Variants in TLN1 observed in about 807,000 individuals in gnomAD.
The protein encoded by TLN1 is talin-1.
A neutral mutation model predicts 292.3 loss-of-function variants in TLN1; 56 were observed. The observed-to-expected ratio is 0.19, with a 90% CI of 0.15 to 0.24. TLN1 has a LOEUF of 0.24. Ranked by LOEUF, TLN1 falls within the 10% of genes least tolerant of loss-of-function variation. TLN1 has a pLI of 1.00. For synonymous variants in TLN1, 1,119 were observed against 1,253.7 expected, an observed-to-expected ratio of 0.89 and a Z score of 2.27; for missense variants, 2,433 against 3,248.2, an observed-to-expected ratio of 0.75 and a Z score of 6.10.
intron 1 of TLN1, among the ~76,000 whole-genome samples, chr9:35,729,429 G>A (rs1587993056): frequency 6.6e-6 from 1 of 152,214 alleles, no homozygotes; most frequent in East Asian, 1.9e-4. Context: ...GGGAAGTCAG[G>A]GTTAGGATGG....
Position 35,698,814 on chromosome 9 carries a change from T to C in TLN1, c.7119A>G (p.Gln2373=), listed in dbSNP as rs1258054442. ...ASAAQRELVA[Q]GKVGAIPANA... is the part of the protein sequence containing the mutation. The stretch of plus-strand genomic sequence containing the variant: ...TGGGTATTTAAGCACTCACCTTCCC[T>C]TGGGCCACTAGTTCTCTCTGGGCAG... Residue 2373 remains glutamine (Q), a synonymous_variant, in exon 53 of 57, where the codon CAA becomes CAG. Coordinates refer to ENST00000314888, the MANE Select transcript of TLN1 (RefSeq NM_006289.4). This position sits in a 1 kb window ranked among gnomAD's most constrained non-coding sequence, Gnocchi z 5.3. 1.9e-6 allele frequency: 3 copies of C among 1,613,938 alleles called. No homozygotes were observed. Among genetic ancestry groups the C allele is most frequent in the Non-Finnish European group, 2.5e-6 (3 of 1,179,938 alleles).
rs1444226308 is a variant in TLN1 at position 35,719,948 on chromosome 9, G to C, written c.1464+91C>G. On this transcript the variant is annotated intron_variant, in intron 13 of 56. Transcript: ENST00000314888. This position sits in a 1 kb window ranked among gnomAD's most constrained non-coding sequence, Gnocchi z 4.6. ...AGGGTCTAGGGAGAGAATACAAATA[G>C]GGACCTGGGAAAAGACTGCCTAACT... 6.3e-6 allele frequency: 10 copies of C among 1,586,748 alleles called. No individual in the cohort carries two copies. Among genetic ancestry groups the C allele is most frequent in the Admixed American group, 1.7e-5 (1 of 57,238 alleles).
chr9:35,706,538 T>C lies in TLN1; in HGVS notation c.5102A>G (p.Gln1701Arg). The change falls in exon 39 of 57, where the codon CAG (glutamine) becomes CGG (arginine). Residue 1701 changes from glutamine (Q) to arginine (R), a missense_variant. Transcript: ENST00000314888. This position sits in a 1 kb window ranked among gnomAD's most constrained non-coding sequence, Gnocchi z 4.2. Reference sequence around the variant, plus strand: ...GATCTCTTGGACTGCAGTGAGCATCTGAGTGTGCAAGGCCTGGGGAGGAAG... The same window carrying C: ...GATCTCTTGGACTGCAGTGAGCATCCGAGTGTGCAAGGCCTGGGGAGGAAG... ...EGISQEALHT[Q>R]MLTAVQEISH... 6.2e-7 allele frequency: 1 copy of C among 1,614,050 alleles called. No homozygotes were observed. Among genetic ancestry groups the C allele is most frequent in the Non-Finnish European group, 8.5e-7 (1 of 1,180,000 alleles).
At position 35,719,644 on chromosome 9, in the gene TLN1, A is replaced by T. The variant is rs1342988317; in HGVS notation, c.1579-17T>A. Reference sequence around the variant, plus strand: ...CTTAGAGGCCTGAAAGAGAGAGGAAAAGCCTTCAGGATCTGCCCTGGTTTG... The same window carrying T: ...CTTAGAGGCCTGAAAGAGAGAGGAATAGCCTTCAGGATCTGCCCTGGTTTG... On this transcript the variant is annotated splice_polypyrimidine_tract_variant and intron_variant, in intron 14 of 56. Transcript: ENST00000314888. The surrounding 1 kb of genome is among the most constrained non-coding windows in gnomAD (Gnocchi z 4.6). 6.2e-7 allele frequency: 1 copy of T among 1,613,408 alleles called. No homozygotes were observed. The highest frequency in any genetic ancestry group is 1.3e-5 in the African/African-American group (1 of 74,900).
At chr9:35,709,448 T>C (rs1263373268) in intron 33 of TLN1, among the ~76,000 whole-genome samples, 1 of 152,222 alleles carries the variant, frequency 6.6e-6, no homozygotes, top group Non-Finnish European at 1.5e-5. Context: ...AGTGAACTCT[T>C]ATGATGCCAG....
Position 35,699,256 on chromosome 9 carries a change from G to A in TLN1, c.6874+100C>T. 1 of 1,555,424 alleles carries A rather than the reference G, an allele frequency of 6.4e-7. No homozygotes were observed. Among genetic ancestry groups the A allele is most frequent in the East Asian group, 2.3e-5 (1 of 44,288 alleles). On this transcript the variant is annotated intron_variant, in intron 51 of 56. Coordinates refer to ENST00000314888, the MANE Select transcript of TLN1 (RefSeq NM_006289.4). This position sits in a 1 kb window ranked among gnomAD's most constrained non-coding sequence, Gnocchi z 4.0. ...ATCATCAGGCCCTGGCATCTGTGGG[G>A]ACTATGGTCAGAGGCTAGCACAGAG...
rs1825796848 is a variant in TLN1 at position 35,717,013 on chromosome 9, G to T, written c.2458+133C>A. Reference sequence around the variant, plus strand: ...AGAGAGCTTTAATGATGAGCCTATGGTTGTGTGGCTGGCAAGCCCACACTG... The same window carrying T: ...AGAGAGCTTTAATGATGAGCCTATGTTTGTGTGGCTGGCAAGCCCACACTG... On this transcript the variant is annotated intron_variant, in intron 19 of 56. Transcript: ENST00000314888. This position sits in a 1 kb window ranked among gnomAD's most constrained non-coding sequence, Gnocchi z 4.7. 1 of 982,110 alleles carries T rather than the reference G, an allele frequency of 1.0e-6. No individual in the cohort carries two copies. The highest frequency in any genetic ancestry group is 1.5e-6 in the Non-Finnish European group (1 of 674,008). 60.8% of individuals were successfully genotyped at this position (982,110 alleles called of 1,614,324 possible).
In TLN1 at chr9:35,711,301, C is replaced by T; in HGVS notation, c.3973G>A (p.Asp1325Asn). 1 of 1,614,176 alleles carries T rather than the reference C, an allele frequency of 6.2e-7. No individual in the cohort carries two copies. Among genetic ancestry groups the T allele is most frequent in the East Asian group, 2.2e-5 (1 of 44,886 alleles). Residue 1325 changes from aspartate to asparagine, a missense_variant, in exon 30 of 57, where the codon GAC becomes AAC. Physicochemically the swap from Asp to Asn is conservative, Grantham distance 23 (BLOSUM62 1). Coordinates refer to ENST00000314888, the MANE Select transcript of TLN1 (RefSeq NM_006289.4). ...LLLAAKALST[D>N]PAAPNLKSQL... is the part of the protein sequence containing the mutation. The stretch of plus-strand genomic sequence containing the variant: ...CTCTTGAGGTTAGGGGCAGCAGGGT[C>T]CGTGGACAGGGCCTTGGCAGCCAGA...
In TLN1 at chr9:35,699,267, G is replaced by C; in HGVS notation, c.6874+89C>G. The stretch of plus-strand genomic sequence containing the variant: ...CTGGCATCTGTGGGGACTATGGTCA[G>C]AGGCTAGCACAGAGCTGTCCAGCCA... On this transcript the variant is annotated intron_variant, in intron 51 of 56. Transcript: ENST00000314888. The surrounding 1 kb of genome is among the most constrained non-coding windows in gnomAD (Gnocchi z 4.0). The C allele has an allele frequency of 6.4e-7, 1 of 1,555,474 alleles. No homozygotes were observed. Among genetic ancestry groups the C allele is most frequent in the Non-Finnish European group, 8.7e-7 (1 of 1,148,494 alleles).
chr9:35,706,034 G>C lies in TLN1; in HGVS notation c.5439C>G (p.Thr1813=). 6.2e-7 allele frequency: 1 copy of C among 1,614,200 alleles called. No individual in the cohort carries two copies. Among genetic ancestry groups the C allele is most frequent in the Non-Finnish European group, 8.5e-7 (1 of 1,180,036 alleles). ...MTEAVEDLTT[T]LNEAASAAGV... is the part of the protein sequence containing the mutation. The stretch of plus-strand genomic sequence containing the variant: ...CAGCAGCACTGGCTGCCTCGTTGAG[G>C]GTTGTTGTCAGGTCCTCTACGGCCT... The change falls in exon 41 of 57, where the codon ACC becomes ACG. Residue 1813 remains threonine (T), a synonymous_variant. Transcript: ENST00000314888. This position sits in a 1 kb window ranked among gnomAD's most constrained non-coding sequence, Gnocchi z 4.2.
chr9:35,728,480 T>C (rs1216640072), intron 1 of TLN1, among the ~76,000 whole-genome samples: 1 of 152,108 alleles, frequency 6.6e-6, no homozygotes, highest in Non-Finnish European at 1.5e-5. Flanking sequence ...GCTGAAGGGC[T>C]GCACAGAACT....
At chr9:35,711,890 G>C (rs1434677917) in intron 28 of TLN1, 98 bp from the exon 29 acceptor site, 1 of 1,594,292 alleles carries the variant, frequency 6.3e-7, no homozygotes, top group Non-Finnish European at 8.5e-7. Flanking sequence ...TAGCCTGGGA[G>C]TAATGAAAGG....
rs766320019 is a variant in TLN1, at chr9:35,707,029, A to C, written c.4955+43T>G. 1.6e-5 allele frequency: 26 copies of C among 1,608,126 alleles called. No homozygotes were observed. Among genetic ancestry groups the C allele is most frequent in the Non-Finnish European group, 2.0e-5 (24 of 1,178,448 alleles). On this transcript the variant is annotated intron_variant, in intron 37 of 56. Transcript: ENST00000314888. This position sits in a 1 kb window ranked among gnomAD's most constrained non-coding sequence, Gnocchi z 5.6. The stretch of plus-strand genomic sequence containing the variant: ...AAGTGCCCATCCTCCATTCTGCCAC[A>C]ATGTATGCCCCCCAGCCACACTGGT...
intron 33 of TLN1, among the ~76,000 whole-genome samples, chr9:35,709,277 G>A (rs191210794): frequency 6.6e-6 from 1 of 152,182 alleles, no homozygotes. Context: ...CCTGGCGACA[G>A]AGCGAGACTC....
chr9:35,710,222 C>CAAAA (rs68036045), intron 33 of TLN1, among the ~76,000 whole-genome samples: 51 of 66,296 alleles, frequency 7.7e-4, no homozygotes, highest in Middle Eastern at 7.6e-3. Flanking sequence ...AACGCTGTCT[C>CAAAA]AAAAAAAAAA....
In TLN1 at chr9:35,710,879, C is replaced by T. The variant is rs752783993; in HGVS notation, c.4121G>A (p.Arg1374Gln). 75 of 1,614,084 alleles carry T rather than the reference C, an allele frequency of 4.6e-5. No individual in the cohort carries two copies. The Middle Eastern group carries it at 9.9e-4, about 21-fold the overall frequency. ...CTGGACTGGGTTCTCCAGGAGTTCC[C>T]GGACCGTCTGTGTAGGGGGAGGGCA... ...DNALRELETVRELLENPVQPI... is the reference protein window; with the variant it reads ...DNALRELETVQELLENPVQPI... The change falls in exon 32 of 57, where the codon CGG becomes CAG. Residue 1374 changes from arginine (R) to glutamine (Q), a missense_variant. Transcript: ENST00000314888.
rs775170088 is a variant in TLN1, at chr9:35,715,158, C to G, written c.2655G>C (p.Glu885Asp). The change falls in exon 21 of 57, where the codon GAG becomes GAC. Residue 885 changes from glutamate (E) to aspartate (D), a missense_variant. This residue lies in a region of TLN1 where 617 missense variants were observed against 770.6 expected (regional missense o/e 0.80). Coordinates refer to ENST00000314888, the MANE Select transcript of TLN1 (RefSeq NM_006289.4). ...KGAAAHPDSE[E>D]QQQRLREAAE... ...CTGCCTCCCGCAGCCGCTGCTGCTG[C>G]TCCTCACTGTCAGGGTGGGCAGCTG... 2.5e-6 allele frequency: 4 copies of G among 1,612,526 alleles called. No homozygotes were observed. Among genetic ancestry groups the G allele is most frequent in the Non-Finnish European group, 3.4e-6 (4 of 1,180,016 alleles).
In TLN1 at chr9:35,719,259, T is replaced by C. The variant is rs755791683; in HGVS notation, c.1711A>G (p.Thr571Ala). The change falls in exon 16 of 57, where the codon ACC becomes GCC. Residue 571 changes from threonine (T) to alanine (A), a missense_variant. Around this residue, in one of 7 missense-constraint regions of TLN1, gnomAD observed 617 missense variants for 770.6 expected, o/e 0.80. Transcript: ENST00000314888. This position sits in a 1 kb window ranked among gnomAD's most constrained non-coding sequence, Gnocchi z 4.6. ...TAGDPAETDY[T>A]AVGCAVTTIS... ...GTGGTGACTGCACAGCCCACTGCGG[T>C]ATAGTCTGTCTCAGCAGGGTCCCCT... 3.1e-6 allele frequency: 5 copies of C among 1,613,752 alleles called. No individual in the cohort carries two copies. Among genetic ancestry groups the C allele is most frequent in the African/African-American group, 2.7e-5 (2 of 74,896 alleles).
chr9:35,723,390 A>C (rs955117384), intron 7 of TLN1: 1 of 193,380 alleles, frequency 5.2e-6, no homozygotes, highest in Non-Finnish European at 1.1e-5. Flanking sequence ...GGTGTGAGCC[A>C]CCGAGCCTGG....
Sources: gnomAD v4.1 joint callset for allele counts (sites outside exome capture counted in the v4.1 genomes callset) on GRCh38, gnomAD v4.1.1 for gene constraint, gnomAD v4.1.1 regional missense constraint, Gnocchi (gnomAD v3.1) non-coding constraint, MANE v1.5 for transcripts, NCBI Gene and HGNC (gene_info 2026-07-23, HGNC 2026-07-21) for gene names.